Variants in NT5DC1 observed in about 807,000 individuals in gnomAD.
NT5DC1 encodes 5'-nucleotidase domain containing 1.
In NT5DC1, 42 loss-of-function variants were observed where a neutral mutation model predicts 59.4. The observed-to-expected ratio is 0.71, with a 90% CI of 0.55 to 0.92. The LOEUF is 0.92. Ranked by LOEUF, NT5DC1 falls within the 40% of genes least tolerant of loss-of-function variation. NT5DC1 has a pLI of 0.00. For missense variants in NT5DC1, 501 were observed against 537.1 expected (o/e 0.93, Z 0.66); for synonymous variants, 172 against 188.1 (o/e 0.91, Z 0.70).
At chr6:116,141,005 T>G (rs1018690434) in intron 6 of NT5DC1, among the ~76,000 whole-genome samples, 1 of 152,180 alleles carries the variant, frequency 6.6e-6, no homozygotes, top group Non-Finnish European at 1.5e-5. Flanking sequence ...ATGTATATTT[T>G]TCTGCTTCAC....
At chr6:116,180,251 A>C (rs1780845996) in intron 6 of NT5DC1, among the ~76,000 whole-genome samples, 2 of 152,080 alleles carry the variant, frequency 1.3e-5, no homozygotes, top group Admixed American at 1.3e-4. Context: ...TAGAGGATGC[A>C]AGAGAACCAA....
chr6:116,121,220 C>T, intron 6 of NT5DC1: 1 of 1,613,736 alleles, frequency 6.2e-7, no homozygotes, highest in Non-Finnish European at 8.5e-7. Context: ...GCCTGGTTTC[C>T]CAAAGCCAGG....
At chr6:116,198,783 G>A (rs759034947) in intron 6 of NT5DC1, among the ~76,000 whole-genome samples, 48 of 152,036 alleles carry the variant, frequency 3.2e-4, no homozygotes, top group South Asian at 8.3e-4. Flanking sequence ...TGATTTGAGA[G>A]CCATGTTTCT....
chr6:116,145,789 T>G (rs1172080132), intron 6 of NT5DC1, among the ~76,000 whole-genome samples: 3 of 152,228 alleles, frequency 2.0e-5, no homozygotes, highest in Non-Finnish European at 2.9e-5. Context: ...AGTTTTTAAT[T>G]TACTATTTTA....
chr6:116,236,927 T>C lies in NT5DC1; in HGVS notation c.803-39T>C. ...GGTCTGCCCAACTGGCTACTCTCAC[T>C]TGATTAAAAAGTATATGATTGTCAA... On this transcript the variant is annotated intron_variant, in intron 8 of 11. Coordinates refer to ENST00000319550, the MANE Select transcript of NT5DC1 (RefSeq NM_152729.3). 3 of 1,345,132 alleles carry C rather than the reference T, an allele frequency of 2.2e-6. No homozygotes were observed. The South Asian group carries it at 3.5e-5, about 16-fold the overall frequency. 83.3% of individuals were successfully genotyped at this position (1,345,132 alleles called of 1,614,324 possible).
chr6:116,161,887 G>A (rs1249778856), intron 6 of NT5DC1, among the ~76,000 whole-genome samples: 1 of 152,058 alleles, frequency 6.6e-6, no homozygotes. Context: ...ATCTGTTTGT[G>A]TCATCTACAG....
At chr6:116,142,422 T>G (rs773723903) in intron 6 of NT5DC1, among the ~76,000 whole-genome samples, 11 of 152,182 alleles carry the variant, frequency 7.2e-5, no homozygotes, top group African/African-American at 2.7e-4. Context: ...TTTAATTATT[T>G]TATATATCAT....
chr6:116,233,392 G>A (rs1782054591), intron 8 of NT5DC1, among the ~76,000 whole-genome samples: 1 of 152,170 alleles, frequency 6.6e-6, no homozygotes, highest in African/African-American at 2.4e-5. Context: ...ATGGAAGATT[G>A]TAACAGCACT....
chr6:116,246,377 A>C lies in NT5DC1; in HGVS notation c.*2353A>C, dbSNP rs184525155. On this transcript the variant is annotated 3_prime_UTR_variant, in exon 12 of 12. Transcript: ENST00000319550. ...AAACTTTATCTGAACCATGAATTAC[A>C]ATCTAAAATCAACTTCTGAGTTTGT... is the stretch of plus-strand genomic sequence containing the variant. 1 of 152,148 alleles carries C rather than the reference A, an allele frequency of 6.6e-6. No individual in the cohort carries two copies. Among genetic ancestry groups the C allele is most frequent in the African/African-American group, 2.4e-5 (1 of 41,546 alleles). 9.4% of individuals were successfully genotyped at this position (152,148 alleles called of 1,614,324 possible).
chr6:116,149,618 G>T (rs1297724949), intron 6 of NT5DC1, among the ~76,000 whole-genome samples: 1 of 152,200 alleles, frequency 6.6e-6, no homozygotes, highest in Admixed American at 6.5e-5. Context: ...CTTTATTGGA[G>T]AAATTGTTTT....
chr6:116,104,276 A>G (rs1475035513), intron 1 of NT5DC1, among the ~76,000 whole-genome samples: 1 of 152,184 alleles, frequency 6.6e-6, no homozygotes, highest in Non-Finnish European at 1.5e-5. Flanking sequence ...CTCCTGTTAC[A>G]GAAAAATCTC....
chr6:116,161,196 TG>T (rs1780321047), intron 6 of NT5DC1, among the ~76,000 whole-genome samples: 1 of 64,350 alleles, frequency 1.6e-5, no homozygotes, highest in Non-Finnish European at 2.8e-5. Context: ...TGTTGTGGGG[TG>T]GGGGGAGGGG....
chr6:116,202,445 CAA>C lies in NT5DC1; in HGVS notation c.530-18608_530-18607del, dbSNP rs1258919776. Among the ~76,000 whole-genome samples, 3 of 152,036 alleles carry C rather than the reference CAA, an allele frequency of 2.0e-5. No homozygotes were observed. The East Asian group carries it at 5.8e-4, about 30-fold the overall frequency. ...CTCTTTTTTAGGGGAAACGAGGAAA[CAA>C]TGATCCCATATGTTCTTGATTCCAC... is the stretch of plus-strand genomic sequence containing the variant. On this transcript the variant is annotated intron_variant, in intron 6 of 11. Transcript: ENST00000319550.
chr6:116,120,708 C>G lies in NT5DC1; in HGVS notation c.529+2763C>G. ...GCTGGGCCAGGAGGACCGGGACTTC[C>G]TGGATCCCCTTTAGACCCAGGGAAT... On this transcript the variant is annotated intron_variant, in intron 6 of 11. Coordinates refer to ENST00000319550, the MANE Select transcript of NT5DC1 (RefSeq NM_152729.3). The G allele has an allele frequency of 6.4e-7, 1 of 1,560,556 alleles. No individual in the cohort carries two copies. Among genetic ancestry groups the G allele is most frequent in the East Asian group, 2.2e-5 (1 of 44,526 alleles).
At position 116,247,858 on chromosome 6, in the gene NT5DC1, C is replaced by A. The variant is rs1562180985; in HGVS notation, c.*3834C>A. On this transcript the variant is annotated 3_prime_UTR_variant, in exon 12 of 12. Transcript: ENST00000319550. ...GTCAGCGGTTACTTACAATGCTTAG[C>A]AGCTAAATTCCATGAGTATAACGTT... is the stretch of plus-strand genomic sequence containing the variant. 6.6e-6 allele frequency: 1 copy of A among 152,178 alleles called. No homozygotes were observed. Among genetic ancestry groups the A allele is most frequent in the Non-Finnish European group, 1.5e-5 (1 of 68,022 alleles). The allele number at this position is 152,178 out of a possible 1,614,324, so 9.4% of individuals were successfully genotyped here.
Position 116,121,931 on chromosome 6 carries a change from G to A in NT5DC1, c.529+3986G>A, listed in dbSNP as rs369056922. 1.2e-6 allele frequency: 2 copies of A among 1,613,348 alleles called. No homozygotes were observed. The highest frequency in any genetic ancestry group is 1.7e-6 in the Non-Finnish European group (2 of 1,180,018). The stretch of plus-strand genomic sequence containing the variant: ...AGGTCCAGCAGGGCCTGGTGGACCA[G>A]GAGTACCTTGCTCTCCTCTTACTGC... On this transcript the variant is annotated intron_variant, in intron 6 of 11. Transcript: ENST00000319550.
intron 6 of NT5DC1, chr6:116,125,543 G>T: frequency 6.3e-7 from 1 of 1,582,428 alleles, no homozygotes; most frequent in Non-Finnish European, 8.7e-7. Context: ...ATACAGCATT[G>T]TTATTAACCT....
intron 6 of NT5DC1, among the ~76,000 whole-genome samples, chr6:116,155,829 T>C (rs1209641554): frequency 6.6e-6 from 1 of 151,942 alleles, no homozygotes; most frequent in Non-Finnish European, 1.5e-5. Context: ...ATATGTTTTT[T>C]AAAGAGCAGA....
chr6:116,185,076 A>G (rs1219346981), intron 6 of NT5DC1, among the ~76,000 whole-genome samples: 1 of 152,042 alleles, frequency 6.6e-6, no homozygotes, highest in Non-Finnish European at 1.5e-5. Context: ...ATTATCATTA[A>G]GTTTAAAGAA....
Sources: gnomAD v4.1 joint callset for allele counts (sites outside exome capture counted in the v4.1 genomes callset) on GRCh38, gnomAD v4.1.1 for gene constraint, MANE v1.5 for transcripts, NCBI Gene and HGNC (gene_info 2026-07-23, HGNC 2026-07-21) for gene names.